Variants in SUCLG2 observed in about 807,000 individuals in gnomAD.
The protein encoded by SUCLG2 is succinate-CoA ligase GDP-forming subunit beta.
SUCLG2 carries 42 observed loss-of-function variants against 47.9 expected under a neutral mutation model. The ratio of observed to expected loss-of-function variants is 0.88; its 90% CI spans 0.69 to 1.14. The LOEUF (loss-of-function observed/expected upper bound fraction) is 1.14. SUCLG2 is among the 50% of genes most tolerant of loss of function. The probability of loss-of-function intolerance (pLI) is 0.00; values close to 1 mark genes in which losing one functional copy is unlikely to be tolerated. For missense variants in SUCLG2, 571 were observed against 525.9 expected (o/e 1.09, Z -0.84); for synonymous variants, 195 against 197.3 (o/e 0.99, Z 0.10).
intron 9 of SUCLG2, among the ~76,000 whole-genome samples, chr3:67,435,321 A>C (rs1559525429): frequency 6.6e-6 from 1 of 152,238 alleles, no homozygotes; most frequent in Non-Finnish European, 1.5e-5. Context: ...ATAATACCTC[A>C]AACTTTTGCT....
chr3:67,382,549 T>A (rs1702181594), intron 10 of SUCLG2, among the ~76,000 whole-genome samples: 1 of 152,228 alleles, frequency 6.6e-6, no homozygotes, highest in Non-Finnish European at 1.5e-5. Flanking sequence ...AGCTGCCTCT[T>A]TTTGTATCAC....
At chr3:67,627,255 A>T (rs1460580670) in intron 1 of SUCLG2, among the ~76,000 whole-genome samples, 2 of 152,162 alleles carry the variant, frequency 1.3e-5, no homozygotes, top group Non-Finnish European at 2.9e-5. Context: ...TTTACTTGGC[A>T]TCTGCTTTAA....
At chr3:67,592,617 C>T (rs900468646) in intron 2 of SUCLG2, among the ~76,000 whole-genome samples, 1 of 147,960 alleles carries the variant, frequency 6.8e-6, no homozygotes, top group Non-Finnish European at 1.5e-5. Context: ...CCCAAATAGT[C>T]TGGGGAATAG....
Position 67,593,611 on chromosome 3 carries a change from G to A in SUCLG2, c.226+15844C>T, listed in dbSNP as rs147533153. Among the ~76,000 whole-genome samples, 3 of 152,270 alleles carry A rather than the reference G, an allele frequency of 2.0e-5. No homozygotes were observed. The East Asian group carries it at 5.8e-4, about 29-fold the overall frequency. On this transcript the variant is annotated intron_variant, in intron 2 of 10. Transcript: ENST00000307227. Reference sequence around the variant, plus strand: ...CACTTGGAAGACCATAATGACAGCTGATCTCTTTCTCACTTCTCCTGCAGC... The same window carrying A: ...CACTTGGAAGACCATAATGACAGCTAATCTCTTTCTCACTTCTCCTGCAGC...
At chr3:67,564,187 G>T (rs1375826615) in intron 2 of SUCLG2, among the ~76,000 whole-genome samples, 1 of 152,144 alleles carries the variant, frequency 6.6e-6, no homozygotes, top group South Asian at 2.1e-4. Context: ...AAACAGAGCG[G>T]CTGCCAGCAC....
intron 9 of SUCLG2, among the ~76,000 whole-genome samples, chr3:67,483,127 T>C (rs1202346627): frequency 6.6e-6 from 1 of 152,028 alleles, no homozygotes; most frequent in Non-Finnish European, 1.5e-5. Context: ...GGTTCCTGGG[T>C]ATGCAGATGA....
chr3:67,387,902 T>C (rs1702294805), intron 10 of SUCLG2, among the ~76,000 whole-genome samples: 1 of 151,872 alleles, frequency 6.6e-6, no homozygotes, highest in Non-Finnish European at 1.5e-5. Context: ...GTCAATGAAC[T>C]TTAGGCATTA....
chr3:67,540,703 G>A (rs759521570), intron 2 of SUCLG2, among the ~76,000 whole-genome samples: 2 of 152,222 alleles, frequency 1.3e-5, no homozygotes, highest in African/African-American at 2.4e-5. Flanking sequence ...TGTGCTAAGG[G>A]ACAGACTGCC....
chr3:67,364,427 ACC>A (rs71109883), intron 10 of SUCLG2, among the ~76,000 whole-genome samples: 6 of 149,428 alleles, frequency 4.0e-5, no homozygotes, highest in African/African-American at 7.4e-5. Flanking sequence ...CAGGACTTCC[ACC>A]CCCCCCACCC....
intron 2 of SUCLG2, among the ~76,000 whole-genome samples, chr3:67,560,902 A>T (rs1707292016): frequency 6.6e-6 from 1 of 150,930 alleles, no homozygotes; most frequent in African/African-American, 2.4e-5. Context: ...TAAAACAGAT[A>T]AGCTCCCCTC....
At chr3:67,583,877 G>A (rs2107263045) in intron 2 of SUCLG2, among the ~76,000 whole-genome samples, 1 of 152,200 alleles carries the variant, frequency 6.6e-6, no homozygotes, top group East Asian at 1.9e-4. Context: ...TGCTTTTAAG[G>A]GCTTATGTGA....
chr3:67,375,072 CT>C lies in SUCLG2; in HGVS notation c.*671del. The stretch of plus-strand genomic sequence containing the variant: ...AATCACAAATAAGGCTTCTGGTTTT[CT>C]TTTTAGTGTGAGGTAAACAGTATAT... On this transcript the variant is annotated 3_prime_UTR_variant, in exon 11 of 11. Coordinates refer to ENST00000307227, the MANE Select transcript of SUCLG2 (RefSeq NM_003848.4). 1 of 985,656 alleles carries C rather than the reference CT, an allele frequency of 1.0e-6. No homozygotes were observed. Among genetic ancestry groups the C allele is most frequent in the South Asian group, 4.7e-5 (1 of 21,290 alleles). 61.1% of individuals were successfully genotyped at this position (985,656 alleles called of 1,614,324 possible). A position where few individuals can be genotyped will look rare whatever the true frequency, so the allele number is the denominator to read the frequency against.
intron 2 of SUCLG2, among the ~76,000 whole-genome samples, chr3:67,608,513 C>A (rs1700465583): frequency 2.6e-5 from 4 of 151,972 alleles, no homozygotes; most frequent in Admixed American, 2.6e-4. Context: ...GGCTTCCATC[C>A]ACTCCCTGCA....
chr3:67,591,412 C>T (rs1490297326), intron 2 of SUCLG2, among the ~76,000 whole-genome samples: 2 of 152,122 alleles, frequency 1.3e-5, no homozygotes, highest in Non-Finnish European at 2.9e-5. Context: ...TTTTGCTGTG[C>T]CCCCATCCAA....
At chr3:67,390,413 A>G (rs1463336912) in intron 10 of SUCLG2, among the ~76,000 whole-genome samples, 1 of 152,242 alleles carries the variant, frequency 6.6e-6, no homozygotes, top group East Asian at 1.9e-4. Flanking sequence ...GCTGTATAAT[A>G]ATTACAAGCT....
At chr3:67,370,019 T>C (rs1575652446), downstream of SUCLG2, among the ~76,000 whole-genome samples, 1 of 152,198 alleles carries the variant, frequency 6.6e-6, no homozygotes, top group Non-Finnish European at 1.5e-5. Context: ...TACTAGATTT[T>C]TATAAAAAAT....
intron 2 of SUCLG2, among the ~76,000 whole-genome samples, chr3:67,535,856 C>T (rs1380844380): frequency 1.3e-5 from 2 of 152,182 alleles, no homozygotes; most frequent in African/African-American, 4.8e-5. Flanking sequence ...CTCTTTTAGT[C>T]AACTCAAACC....
In SUCLG2 at chr3:67,589,024, C is replaced by T. The variant is rs1051239438; in HGVS notation, c.226+20431G>A. Among the ~76,000 whole-genome samples, 6 of 152,296 alleles carry T rather than the reference C, an allele frequency of 3.9e-5. No individual in the cohort carries two copies. The South Asian group carries it at 1.0e-3, about 26-fold the overall frequency. On this transcript the variant is annotated intron_variant, in intron 2 of 10. Transcript: ENST00000307227. ...AAGACCCTGCCCATCCCTCTAACCCCATCTCCTTCCACTCCCTGATGCCAT... is the reference window on the plus strand; with the variant it reads ...AAGACCCTGCCCATCCCTCTAACCCTATCTCCTTCCACTCCCTGATGCCAT...
At chr3:67,387,510 C>A (rs1702285556) in intron 10 of SUCLG2, among the ~76,000 whole-genome samples, 1 of 152,180 alleles carries the variant, frequency 6.6e-6, no homozygotes, top group African/African-American at 2.4e-5. Context: ...TGAGTTGTCA[C>A]AGAGGCCCAC....
Sources: allele counts gnomAD v4.1 joint callset (sites outside exome capture counted in the v4.1 genomes callset), GRCh38; gene constraint gnomAD v4.1.1; transcripts MANE v1.5; gene names NCBI Gene and HGNC (gene_info 2026-07-23, HGNC 2026-07-21).